The following CDKAL1 variants were observed in gnomAD, a reference collection of about 807,000 sequenced individuals.
CDKAL1 encodes CDKAL1 threonylcarbamoyladenosine tRNA methylthiotransferase.
A neutral mutation model predicts 68.2 loss-of-function variants in CDKAL1; 32 were observed. The observed-to-expected ratio is 0.47, with a 90% confidence interval of 0.35 to 0.63. The LOEUF (loss-of-function observed/expected upper bound fraction) is 0.63. Ranked by LOEUF, CDKAL1 falls within the 30% of genes least tolerant of loss-of-function variation. CDKAL1 has a pLI of 0.00. For missense variants in CDKAL1, 606 were observed against 696.7 expected, an observed-to-expected ratio of 0.87 and a Z score of 1.47; for synonymous variants, 234 against 244.3, an observed-to-expected ratio of 0.96 and a Z score of 0.39.
intron 15 of CDKAL1, among the ~76,000 whole-genome samples, chr6:21,208,936 G>A (rs1779043059): frequency 6.6e-6 from 1 of 152,156 alleles, no homozygotes; most frequent in Non-Finnish European, 1.5e-5. Context: ...AGAGCAAGCT[G>A]ATGCTAAACA....
chr6:20,796,775 G>A (rs1776127307), intron 8 of CDKAL1, among the ~76,000 whole-genome samples: 1 of 152,102 alleles, frequency 6.6e-6, no homozygotes, highest in African/African-American at 2.4e-5. Context: ...GAGCAGTTGG[G>A]TATCCATATG....
At chr6:20,644,537 G>A (rs1037702018) in intron 4 of CDKAL1, among the ~76,000 whole-genome samples, 3 of 152,052 alleles carry the variant, frequency 2.0e-5, no homozygotes, top group East Asian at 3.9e-4. Flanking sequence ...AAAATTAGCC[G>A]GGTGTGATGG....
intron 9 of CDKAL1, among the ~76,000 whole-genome samples, chr6:20,930,462 G>A (rs1174836740): frequency 2.0e-5 from 3 of 152,140 alleles, no homozygotes; most frequent in African/African-American, 7.2e-5. Context: ...TGTCAAAGAA[G>A]TAGTTTTTGT....
At chr6:20,690,778 A>G (rs1368918228) in intron 5 of CDKAL1, among the ~76,000 whole-genome samples, 3 of 152,156 alleles carry the variant, frequency 2.0e-5, no homozygotes, top group Admixed American at 6.5e-5. Context: ...CTACTTTACC[A>G]TGTTCATAAA....
intron 5 of CDKAL1, among the ~76,000 whole-genome samples, chr6:20,691,875 A>G (rs973190125): frequency 4.0e-5 from 6 of 151,874 alleles, no homozygotes; most frequent in Middle Eastern, 6.8e-3. Context: ...ATTCTTTTTC[A>G]TTTCTATTTT....
At chr6:20,726,690 C>G (rs945156491) in intron 5 of CDKAL1, among the ~76,000 whole-genome samples, 22 of 152,136 alleles carry the variant, frequency 1.4e-4, no homozygotes, top group African/African-American at 4.3e-4. Context: ...AAGGTGCTCT[C>G]TCTTTGAAGA....
At chr6:20,724,126 T>A (rs1772525578) in intron 5 of CDKAL1, among the ~76,000 whole-genome samples, 1 of 152,090 alleles carries the variant, frequency 6.6e-6, no homozygotes, top group Admixed American at 6.5e-5. Context: ...TTGGTAGAGA[T>A]GGTGTTTCAC....
At chr6:20,593,032 G>A (rs772135022) in intron 4 of CDKAL1, among the ~76,000 whole-genome samples, 20 of 152,088 alleles carry the variant, frequency 1.3e-4, no homozygotes, top group Non-Finnish European at 2.8e-4. Context: ...CTTGATCGTG[G>A]TGGATAAGCT....
At chr6:20,950,469 C>T (rs550311218) in intron 9 of CDKAL1, among the ~76,000 whole-genome samples, 10 of 152,086 alleles carry the variant, frequency 6.6e-5, no homozygotes, top group African/African-American at 2.4e-4. Flanking sequence ...AGAAAGAACC[C>T]CTAAAAATTT....
chr6:20,843,898 C>T (rs1166029144), intron 8 of CDKAL1, among the ~76,000 whole-genome samples: 3 of 152,094 alleles, frequency 2.0e-5, no homozygotes, highest in Non-Finnish European at 4.4e-5. Flanking sequence ...ACTGATTTAA[C>T]TTGGGTGAAT....
intron 11 of CDKAL1, among the ~76,000 whole-genome samples, chr6:21,011,498 T>C (rs1340344978): frequency 6.6e-6 from 1 of 152,244 alleles, no homozygotes; most frequent in East Asian, 1.9e-4. Flanking sequence ...TCTACTAGTA[T>C]TTATTGGTTA....
At chr6:20,881,954 A>G (rs944461452) in intron 9 of CDKAL1, among the ~76,000 whole-genome samples, 3 of 152,232 alleles carry the variant, frequency 2.0e-5, no homozygotes, top group African/African-American at 7.2e-5. Flanking sequence ...CGCTGCAAGT[A>G]CTGGCAACCA....
chr6:21,141,708 A>T (rs147014182), intron 13 of CDKAL1, among the ~76,000 whole-genome samples: 2 of 152,190 alleles, frequency 1.3e-5, no homozygotes, highest in Non-Finnish European at 2.9e-5. Context: ...AAGAAGGGGT[A>T]GAGAAATTAT....
intron 13 of CDKAL1, among the ~76,000 whole-genome samples, chr6:21,172,397 T>A (rs1268562751): frequency 6.6e-6 from 1 of 152,182 alleles, no homozygotes; most frequent in African/African-American, 2.4e-5. Flanking sequence ...ATTTTCTGTA[T>A]TTTTTCCCAT....
At chr6:20,622,987 A>C (rs1005804278) in intron 4 of CDKAL1, among the ~76,000 whole-genome samples, 4 of 152,094 alleles carry the variant, frequency 2.6e-5, no homozygotes, top group African/African-American at 9.7e-5. Context: ...GGCTTTTTTC[A>C]ATAAAGTATT....
chr6:20,962,972 C>T (rs1295616640), intron 10 of CDKAL1, among the ~76,000 whole-genome samples: 5 of 152,058 alleles, frequency 3.3e-5, no homozygotes, highest in Non-Finnish European at 7.4e-5. Flanking sequence ...CAGTGAAACA[C>T]CTAAAACTAG....
chr6:20,757,387 G>T (rs1164809916), intron 6 of CDKAL1, among the ~76,000 whole-genome samples: 3 of 152,116 alleles, frequency 2.0e-5, no homozygotes, highest in African/African-American at 7.2e-5. Flanking sequence ...CAGAGAGATA[G>T]TAAGGTGAAT....
intron 11 of CDKAL1, among the ~76,000 whole-genome samples, chr6:21,053,283 T>A (rs1219990691): frequency 6.6e-6 from 1 of 152,242 alleles, no homozygotes; most frequent in African/African-American, 2.4e-5. Context: ...TTGGTTCATG[T>A]TGGTGCATAT....
intron 13 of CDKAL1, among the ~76,000 whole-genome samples, chr6:21,146,066 T>G (rs112862813): frequency 6.6e-6 from 1 of 152,170 alleles, no homozygotes; most frequent in South Asian, 2.1e-4. Flanking sequence ...GATTGTACCC[T>G]TCTAAACTGC....
Sources: gnomAD v4.1 joint callset for allele counts (sites outside exome capture counted in the v4.1 genomes callset) on GRCh38, gnomAD v4.1.1 for gene constraint, MANE v1.5 for transcripts, NCBI Gene and HGNC (gene_info 2026-07-23, HGNC 2026-07-21) for gene names.